The following CFAP61 variants were observed in gnomAD, a reference collection of about 807,000 sequenced individuals.
CFAP61 encodes the protein cilia and flagella associated protein 61.
A neutral mutation model predicts 135.6 loss-of-function variants in CFAP61; 107 were observed. That is an observed-to-expected ratio of 0.79 (90% CI 0.67 to 0.93). The LOEUF is 0.93. CFAP61 is among the 40% of genes least tolerant of loss of function. The pLI is 0.00. For synonymous variants in CFAP61, 575 were observed against 578.5 expected (o/e 0.99, Z 0.09); for missense variants, 1,507 against 1,556.2 (o/e 0.97, Z 0.53).
intron 26 of CFAP61, among the ~76,000 whole-genome samples, chr20:20,355,919 G>A (rs2059114635): frequency 7.4e-6 from 1 of 135,556 alleles, no homozygotes; most frequent in Non-Finnish European, 1.6e-5. Flanking sequence ...TCACACTGAG[G>A]GGAGGTAGTG....
At chr20:20,171,960 G>A in intron 13 of CFAP61, 1 of 476,584 alleles carries the variant, frequency 2.1e-6, no homozygotes, top group Non-Finnish European at 3.8e-6. Context: ...TGGAAGAGGG[G>A]AAGCACTTTC....
At chr20:20,250,390 C>G (rs1261063377) in intron 19 of CFAP61, among the ~76,000 whole-genome samples, 8 of 152,164 alleles carry the variant, frequency 5.3e-5, no homozygotes, top group Non-Finnish European at 1.0e-4. Context: ...AAACTGAAGA[C>G]AGCAGGAGGA....
chr20:20,155,241 GA>G (rs1242998522), intron 9 of CFAP61, among the ~76,000 whole-genome samples: 1 of 152,098 alleles, frequency 6.6e-6, no homozygotes, highest in African/African-American at 2.4e-5. Flanking sequence ...AATGAAGCTG[GA>G]TCCTCATCTC....
intron 7 of CFAP61, among the ~76,000 whole-genome samples, chr20:20,097,096 AT>A (rs3060424): frequency 0.2 from 29,344 of 147,034 alleles, 3,088 homozygotes; most frequent in Non-Finnish European, 0.25. Context: ...TTTAATACCT[AT>A]TTTTTTTTTT....
At chr20:20,331,754 C>CT (rs113099116) in intron 25 of CFAP61, among the ~76,000 whole-genome samples, 26 of 150,134 alleles carry the variant, frequency 1.7e-4, no homozygotes, top group East Asian at 3.9e-4. Context: ...CACATATACA[C>CT]TTTTTTTTTT....
intron 18 of CFAP61, among the ~76,000 whole-genome samples, chr20:20,245,148 G>A (rs2050343486): frequency 6.6e-6 from 1 of 152,158 alleles, no homozygotes; most frequent in Non-Finnish European, 1.5e-5. Flanking sequence ...CCTCCAAACT[G>A]TTCCAACCTC....
rs79442716 is a variant in CFAP61 at position 20,056,155 on chromosome 20, C to T, written c.-36-463C>T. ...TATTGCGAGCATTTCCTACACTTAA[C>T]CACAGAACTTTTTTGGTCTCAAAAT... is the stretch of plus-strand genomic sequence containing the variant. On this transcript the variant is annotated intron_variant, in intron 1 of 26. Transcript: ENST00000245957. The T allele has an allele frequency of 2.3e-3, 1,416 of 622,470 alleles. 9 individuals are homozygous for T. The highest frequency in any genetic ancestry group is 7.4e-3 in the East Asian group (255 of 34,236). 38.6% of individuals were successfully genotyped at this position (622,470 alleles called of 1,614,324 possible). A position where few individuals can be genotyped will look rare whatever the true frequency, so the allele number is the denominator to read the frequency against.
In CFAP61 at chr20:20,158,204, C is replaced by A. The variant is rs111476955; in HGVS notation, c.952-1166C>A. Among the ~76,000 whole-genome samples the A allele has an allele frequency of 3.9e-3, 585 of 150,954 alleles. 4 individuals are homozygous for A. The highest frequency in any genetic ancestry group is 0.014 in the African/African-American group (564 of 40,976). ...CATGTATACATATGTAACTAATCTG[C>A]ACAATGTGCACATGTACCCTAAAAC... On this transcript the variant is annotated intron_variant, in intron 9 of 26. Transcript: ENST00000245957.
intron 8 of CFAP61, among the ~76,000 whole-genome samples, chr20:20,130,491 A>G (rs955386966): frequency 6.6e-6 from 1 of 151,754 alleles, no homozygotes; most frequent in Non-Finnish European, 1.5e-5. Context: ...CAATTGAAGG[A>G]CAGTTGAAGT....
intron 13 of CFAP61, among the ~76,000 whole-genome samples, chr20:20,175,677 C>T (rs1280552619): frequency 2.1e-5 from 3 of 143,454 alleles, no homozygotes; most frequent in Non-Finnish European, 3.0e-5. Flanking sequence ...CAGGTGCCCA[C>T]CATGACACCT....
At chr20:20,290,930 C>T (rs1397876837) in intron 24 of CFAP61, among the ~76,000 whole-genome samples, 1 of 152,198 alleles carries the variant, frequency 6.6e-6, no homozygotes. Flanking sequence ...CCATTTTCAG[C>T]TTCTGACTCC....
chr20:20,231,705 G>C (rs535939232), intron 18 of CFAP61, among the ~76,000 whole-genome samples: 2 of 152,314 alleles, frequency 1.3e-5, no homozygotes, highest in Admixed American at 6.5e-5. Flanking sequence ...GCGTGTTTGT[G>C]GCAAGGATCA....
At chr20:20,067,540 G>A (rs2045362966) in intron 2 of CFAP61, among the ~76,000 whole-genome samples, 1 of 151,194 alleles carries the variant, frequency 6.6e-6, no homozygotes, top group African/African-American at 2.4e-5. Context: ...TACTCGGGAG[G>A]CTGAGGCAGG....
chr20:20,295,648 G>GTATA (rs1036417897), intron 24 of CFAP61, among the ~76,000 whole-genome samples: 3 of 152,134 alleles, frequency 2.0e-5, no homozygotes, highest in African/African-American at 7.2e-5. Context: ...TCTTCACTGT[G>GTATA]TATATATCTA....
chr20:20,256,280 T>A (rs2051559505), intron 20 of CFAP61, among the ~76,000 whole-genome samples: 1 of 151,930 alleles, frequency 6.6e-6, no homozygotes, highest in Admixed American at 6.6e-5. Context: ...TTAGTGTGAG[T>A]TTGCTGAACA....
chr20:20,126,866 G>C (rs904435325), intron 8 of CFAP61, among the ~76,000 whole-genome samples: 1 of 151,666 alleles, frequency 6.6e-6, no homozygotes, highest in African/African-American at 2.4e-5. Context: ...TCTTAGGTTT[G>C]GTCGTTTAAC....
intron 13 of CFAP61, among the ~76,000 whole-genome samples, chr20:20,176,492 AGAATACTATGATACCATG>A (rs1468515381): frequency 4.6e-5 from 7 of 152,238 alleles, no homozygotes; most frequent in Non-Finnish European, 7.3e-5. Context: ...GTGATACCAT[AGAATACTATGATACCATG>A]GAATACTATG....
chr20:20,079,432 TA>T lies in CFAP61; in HGVS notation c.566+3818del, dbSNP rs943274281. On this transcript the variant is annotated intron_variant, in intron 6 of 26. Coordinates refer to ENST00000245957, the MANE Select transcript of CFAP61 (RefSeq NM_015585.4). ...ATGAAAGCAAAGGAGTAGTCAGTGC[TA>T]TTTTTTTTTTCCTTTTTGCTGGAGA... 9.3e-5 allele frequency among the ~76,000 whole-genome samples: 7 copies of T among 75,640 alleles called. No individual in the cohort carries two copies. The Admixed American group carries it at 9.6e-4, about 10-fold the overall frequency. 49.6% of individuals were successfully genotyped at this position (75,640 alleles called of 152,430 possible).
rs749507134 is a variant in CFAP61, at chr20:20,288,887, A to G, written c.3075A>G (p.Pro1025=). 2 of 1,613,422 alleles carry G rather than the reference A, an allele frequency of 1.2e-6. No individual in the cohort carries two copies. The highest frequency in any genetic ancestry group is 1.1e-5 in the South Asian group (1 of 91,062). The change falls in exon 23 of 27, where the codon CCA becomes CCG. Residue 1025 remains proline, a synonymous_variant. Coordinates refer to ENST00000245957, the MANE Select transcript of CFAP61 (RefSeq NM_015585.4). ...CCCTTGAGCCTGTGACCGAGCCACCAGCTAATCTTGACCGGCTCATCCCCA... is the reference window on the plus strand; with the variant it reads ...CCCTTGAGCCTGTGACCGAGCCACCGGCTAATCTTGACCGGCTCATCCCCA... The part of the protein sequence containing the change: ...DPTLEPVTEP[P]ANLDRLIPMY...
Sources: gnomAD v4.1 joint callset for allele counts (sites outside exome capture counted in the v4.1 genomes callset) on GRCh38, gnomAD v4.1.1 for gene constraint, MANE v1.5 for transcripts, NCBI Gene and HGNC (gene_info 2026-07-23, HGNC 2026-07-21) for gene names.